CSMD1: variants seen among roughly 807,000 people sequenced by gnomAD.
CSMD1 encodes CUB and Sushi multiple domains 1.
A neutral mutation model predicts 417.5 loss-of-function variants in CSMD1; 213 were observed. The observed-to-expected ratio is 0.51, with a 90% CI of 0.46 to 0.57. The LOEUF is 0.57. CSMD1 is among the 20% of genes least tolerant of loss of function. The pLI is 0.00. For missense variants in CSMD1, 6,923 were observed against 4,529.7 expected (o/e 1.53, Z -15.17); for synonymous variants, 2,862 against 1,736.8 (o/e 1.65, Z -16.11).
intron 5 of CSMD1, among the ~76,000 whole-genome samples, chr8:3,928,139 T>C (rs1019202153): frequency 6.6e-6 from 1 of 152,180 alleles, no homozygotes; most frequent in Non-Finnish European, 1.5e-5. Context: ...TAGATTTAAT[T>C]GCCTGTTGGA....
intron 3 of CSMD1, among the ~76,000 whole-genome samples, chr8:4,044,065 G>T (rs1798026674): frequency 6.6e-6 from 1 of 152,022 alleles, no homozygotes; most frequent in African/African-American, 2.4e-5. Flanking sequence ...TGGGGTTCCT[G>T]TCTTTTCTTG....
chr8:3,522,680 T>G (rs112226973), intron 10 of CSMD1, among the ~76,000 whole-genome samples: 1 of 151,846 alleles, frequency 6.6e-6, no homozygotes, highest in East Asian at 1.9e-4. Context: ...CAGTGAGGAG[T>G]AGATCAGTCG....
intron 54 of CSMD1, among the ~76,000 whole-genome samples, chr8:2,981,604 G>T (rs1017267113): frequency 6.6e-6 from 1 of 152,128 alleles, no homozygotes; most frequent in African/African-American, 2.4e-5. Flanking sequence ...GGAGGAATGA[G>T]AACACTGATG....
chr8:4,117,753 A>G (rs2130931053), intron 3 of CSMD1, among the ~76,000 whole-genome samples: 1 of 152,244 alleles, frequency 6.6e-6, no homozygotes, highest in South Asian at 2.1e-4. Flanking sequence ...TGTCAAATAG[A>G]TATTCAGAAA....
At chr8:4,224,645 G>A (rs1023857631) in intron 3 of CSMD1, among the ~76,000 whole-genome samples, 2 of 152,226 alleles carry the variant, frequency 1.3e-5, no homozygotes, top group South Asian at 4.1e-4. Flanking sequence ...ATAGTGAAGA[G>A]GGAGATAAGT....
At chr8:3,722,910 C>G (rs1471630739) in intron 6 of CSMD1, among the ~76,000 whole-genome samples, 1 of 71,366 alleles carries the variant, frequency 1.4e-5, no homozygotes, top group East Asian at 4.1e-4. Flanking sequence ...GACTAGCAAA[C>G]TATTGTGTGT....
At chr8:3,005,076 T>G (rs1052056298) in intron 52 of CSMD1, among the ~76,000 whole-genome samples, 1 of 152,054 alleles carries the variant, frequency 6.6e-6, no homozygotes, top group African/African-American at 2.4e-5. Flanking sequence ...GAGGCAGAGG[T>G]TGCAGTGAGC....
Position 4,758,096 on chromosome 8 carries a change from C to T in CSMD1, c.86-120538G>A, listed in dbSNP as rs564900440. Among the ~76,000 whole-genome samples the T allele has an allele frequency of 3.3e-5, 5 of 152,164 alleles. No individual in the cohort carries two copies. The East Asian group carries it at 9.7e-4, about 29-fold the overall frequency. ...ACTTTTCTCAGGTGAGAAATTTCCA[C>T]TGAAACCAACCAAAGGAAATAATTG... On this transcript the variant is annotated intron_variant, in intron 1 of 69. Coordinates refer to ENST00000635120, the MANE Select transcript of CSMD1 (RefSeq NM_033225.6).
At chr8:4,098,485 C>T (rs1801140395) in intron 3 of CSMD1, among the ~76,000 whole-genome samples, 1 of 151,960 alleles carries the variant, frequency 6.6e-6, no homozygotes, top group Non-Finnish European at 1.5e-5. Context: ...TGTCTAGCTC[C>T]TGTGTTTTAG....
In CSMD1 at chr8:3,650,632, G is replaced by C. The variant is rs539715310; in HGVS notation, c.1010-33835C>G. 1.3e-4 allele frequency among the ~76,000 whole-genome samples: 20 copies of C among 152,260 alleles called. No individual in the cohort carries two copies. The East Asian group carries it at 3.7e-3, about 28-fold the overall frequency. Reference sequence around the variant, plus strand: ...TGAATGTACTGAGCTCCCGGCTGTGGATATTTAAGAGAACACTACCATCAC... The same window carrying C: ...TGAATGTACTGAGCTCCCGGCTGTGCATATTTAAGAGAACACTACCATCAC... On this transcript the variant is annotated intron_variant, in intron 7 of 69. Transcript: ENST00000635120.
At chr8:3,881,527 C>G (rs1442597488) in intron 5 of CSMD1, among the ~76,000 whole-genome samples, 1 of 149,870 alleles carries the variant, frequency 6.7e-6, no homozygotes, top group Non-Finnish European at 1.5e-5. Context: ...ATCTCAGCTA[C>G]TCAGGAGGCT....
intron 11 of CSMD1, among the ~76,000 whole-genome samples, chr8:3,478,795 G>A (rs80016321): frequency 0.027 from 4,035 of 152,238 alleles, 233 homozygotes; most frequent in East Asian, 0.17. Flanking sequence ...TCCCAGGGCT[G>A]CCTTGTCGAA....
At chr8:4,017,204 T>A (rs996702970) in intron 4 of CSMD1, among the ~76,000 whole-genome samples, 1 of 152,168 alleles carries the variant, frequency 6.6e-6, no homozygotes, top group Non-Finnish European at 1.5e-5. Flanking sequence ...TTTTTTAAAG[T>A]TTTTTCTACT....
chr8:3,178,655 A>G (rs898002087), intron 37 of CSMD1, among the ~76,000 whole-genome samples: 4 of 152,178 alleles, frequency 2.6e-5, no homozygotes. Context: ...CTTCAAAAAT[A>G]TAGGGCTGTT....
chr8:3,418,466 T>G (rs987073246), intron 12 of CSMD1, among the ~76,000 whole-genome samples: 1 of 152,170 alleles, frequency 6.6e-6, no homozygotes, highest in African/African-American at 2.4e-5. Context: ...AACAATTTTA[T>G]TCAAGATATT....
intron 4 of CSMD1, among the ~76,000 whole-genome samples, chr8:4,010,385 G>C (rs984836501): frequency 6.6e-6 from 1 of 152,110 alleles, no homozygotes; most frequent in Admixed American, 6.5e-5. Context: ...CCCTCTGTCA[G>C]CCTCTTCACC....
chr8:4,423,374 T>C (rs1797360590), intron 2 of CSMD1, among the ~76,000 whole-genome samples: 1 of 152,072 alleles, frequency 6.6e-6, no homozygotes, highest in Non-Finnish European at 1.5e-5. Flanking sequence ...GCAAGGCACA[T>C]AATGAACATA....
chr8:4,908,746 TTTGATGC>T (rs1425964397), intron 1 of CSMD1, among the ~76,000 whole-genome samples: 1 of 75,582 alleles, frequency 1.3e-5, no homozygotes, highest in Non-Finnish European at 2.9e-5. Flanking sequence ...AGTAATTCAT[TTTGATGC>T]TTAGAGTTTT....
intron 3 of CSMD1, among the ~76,000 whole-genome samples, chr8:4,337,703 A>T (rs985142396): frequency 6.6e-6 from 1 of 152,172 alleles, no homozygotes; most frequent in Non-Finnish European, 1.5e-5. Context: ...AACTTTTAAA[A>T]GAGTACACTC....
Sources: gnomAD v4.1 joint callset for allele counts (sites outside exome capture counted in the v4.1 genomes callset) on GRCh38, gnomAD v4.1.1 for gene constraint, MANE v1.5 for transcripts, NCBI Gene and HGNC (gene_info 2026-07-23, HGNC 2026-07-21) for gene names.